Variants in GNAS observed in about 807,000 individuals in gnomAD.
The protein encoded by GNAS is protein ALEX.
A neutral mutation model predicts 54.5 loss-of-function variants in GNAS; 8 were observed. The observed-to-expected ratio is 0.15, with a 90% CI of 0.09 to 0.26. The LOEUF is 0.26. GNAS is among the 10% of genes least tolerant of loss of function. GNAS has a pLI of 1.00. For missense variants in GNAS, 170 were observed against 529.8 expected, an observed-to-expected ratio of 0.32 and a Z score of 6.67; for synonymous variants, 204 against 191.4, an observed-to-expected ratio of 1.07 and a Z score of -0.54.
rs887500903 is a variant in GNAS at position 58,901,064 on chromosome 20, A to G, written c.257+2079A>G. 1.7e-4 allele frequency among the ~76,000 whole-genome samples: 26 copies of G among 152,364 alleles called. No homozygotes were observed. In the South Asian group the frequency reaches 2.5e-3, roughly 15 times the overall value. On this transcript the variant is annotated intron_variant, in intron 3 of 12. Coordinates refer to ENST00000371085, the MANE Select transcript of GNAS (RefSeq NM_000516.7). Reference sequence around the variant, plus strand: ...GGAAATACTTTCTCTTGCTGTATGCAGATTTGGATATTTAGTACCCGAATG... The same window carrying G: ...GGAAATACTTTCTCTTGCTGTATGCGGATTTGGATATTTAGTACCCGAATG...
intron 6 of GNAS, among the ~76,000 whole-genome samples, chr20:58,908,600 T>C (rs234630): frequency 0.23 from 34,744 of 151,972 alleles, 4,765 homozygotes; most frequent in Non-Finnish European, 0.3. Context: ...CTGAATGATA[T>C]AGAGGTATAC....
intron 1 of GNAS, chr20:58,850,966 T>A (rs112636300): frequency 0.09 from 35,883 of 398,596 alleles, 1,885 homozygotes; most frequent in Middle Eastern, 0.12. Context: ...CCAGGCAGCC[T>A]TGATTGGCAT....
chr20:58,905,615 G>GA lies in GNAS; in HGVS notation c.530+138dup, dbSNP rs554445295. ...AAGCCAACCAGTTACCCCACTGGCAGAAAGTTCTAATCTGATTCAATTGTT... is the reference window on the plus strand; with the variant it reads ...AAGCCAACCAGTTACCCCACTGGCAGAAAAGTTCTAATCTGATTCAATTGTT... On this transcript the variant is annotated intron_variant, in intron 6 of 12. Coordinates refer to ENST00000371085, the MANE Select transcript of GNAS (RefSeq NM_000516.7). 196 of 708,772 alleles carry GA rather than the reference G, an allele frequency of 2.8e-4. No individual in the cohort carries two copies. In the African/African-American group the frequency reaches 3.0e-3, roughly 11 times the overall value. 43.9% of individuals were successfully genotyped at this position (708,772 alleles called of 1,614,324 possible).
At chr20:58,887,997 T>G (rs1452245358), upstream of GNAS, among the ~76,000 whole-genome samples, 4 of 152,210 alleles carry the variant, frequency 2.6e-5, no homozygotes, top group Non-Finnish European at 5.9e-5. Flanking sequence ...CTTTTTATTT[T>G]CAAAGCTAAC....
At chr20:58,894,940 CCCAG>C (rs2089901902) in intron 1 of GNAS, among the ~76,000 whole-genome samples, 1 of 152,038 alleles carries the variant, frequency 6.6e-6, no homozygotes, top group East Asian at 1.9e-4. Flanking sequence ...CATAGTTGTA[CCCAG>C]AGGGAATTTA....
intron 1 of GNAS, among the ~76,000 whole-genome samples, chr20:58,880,891 C>T (rs1465678739): frequency 6.6e-6 from 1 of 152,122 alleles, no homozygotes; most frequent in Non-Finnish European, 1.5e-5. Flanking sequence ...CTCTTCTCTG[C>T]CTCCCCACCC....
chr20:58,900,304 T>C, intron 3 of GNAS: 1 of 359,604 alleles, frequency 2.8e-6, no homozygotes, highest in Non-Finnish European at 5.1e-6. Flanking sequence ...GCTAAACCCT[T>C]GAACCCTACT....
chr20:58,899,278 C>G (rs1401408595), intron 3 of GNAS, among the ~76,000 whole-genome samples: 2 of 152,198 alleles, frequency 1.3e-5, no homozygotes, highest in Non-Finnish European at 2.9e-5. Context: ...TGATGTTTTT[C>G]CATATGGTTT....
intron 1 of GNAS, among the ~76,000 whole-genome samples, chr20:58,893,451 A>G (rs946079354): frequency 3.3e-5 from 5 of 152,210 alleles, no homozygotes; most frequent in African/African-American, 7.2e-5. Flanking sequence ...GTTAAGACCT[A>G]GTTCGTGGTC....
At chr20:58,896,971 G>T (rs1601043018) in intron 2 of GNAS, among the ~76,000 whole-genome samples, 2 of 152,270 alleles carry the variant, frequency 1.3e-5, no homozygotes, top group South Asian at 4.1e-4. Flanking sequence ...TTCAGAGCAA[G>T]GCAGGCAGCT....
intron 3 of GNAS, chr20:58,899,403 ATT>A: frequency 1.9e-6 from 1 of 519,292 alleles, no homozygotes; most frequent in South Asian, 1.5e-5. Flanking sequence ...TTGAAACAAA[ATT>A]TGTTTCCTTT....
intron 1 of GNAS, among the ~76,000 whole-genome samples, chr20:58,860,491 G>T (rs1055135922): frequency 6.6e-6 from 1 of 152,060 alleles, no homozygotes; most frequent in Non-Finnish European, 1.5e-5. Flanking sequence ...AGAATGTTTA[G>T]AATCCTGGTC....
At position 58,853,301 on chromosome 20, in the gene GNAS, G is replaced by T. The variant is rs1168829141; in HGVS notation, c.43+12415G>T. The T allele has an allele frequency of 6.5e-7, 1 of 1,550,290 alleles. No homozygotes were observed. Among genetic ancestry groups the T allele is most frequent in the East Asian group, 2.4e-5 (1 of 40,906 alleles). ...GCAACTGCCTCTACGGCAATAATAT[G>T]TCAGGACAACGCGATATCCCCCCTG... On this transcript the variant is annotated intron_variant, in intron 1 of 12. Transcript: ENST00000306090. This position sits in a 1 kb window ranked among gnomAD's most constrained non-coding sequence, Gnocchi z 4.4.
rs540760456 is a variant in GNAS, at chr20:58,871,050, C to T, written c.44-24562C>T. Among the ~76,000 whole-genome samples the T allele has an allele frequency of 1.1e-4, 16 of 152,324 alleles. No homozygotes were observed. The South Asian group carries it at 2.3e-3, about 22-fold the overall frequency. The stretch of plus-strand genomic sequence containing the variant: ...CCCCCTGCTCCACAAACACACACTA[C>T]AGGACAGTTTCCTTAGAGCTCTTCC... On this transcript the variant is annotated intron_variant, in intron 1 of 12. Transcript: ENST00000306090.
intron 1 of GNAS, chr20:58,892,135 C>A: frequency 3.2e-6 from 3 of 944,810 alleles, no homozygotes; most frequent in Non-Finnish European, 3.8e-6. Context: ...CTCTCTCTTG[C>A]TCTCGCTCTC....
chr20:58,909,859 CT>C lies in GNAS; in HGVS notation c.839+56del. On this transcript the variant is annotated intron_variant, in intron 10 of 12. Coordinates refer to ENST00000371085, the MANE Select transcript of GNAS (RefSeq NM_000516.7). This position sits in a 1 kb window ranked among gnomAD's most constrained non-coding sequence, Gnocchi z 7.3. Reference sequence around the variant, plus strand: ...CTTGCCCAGGAGGCCCTGGTCTGCACTGTTTATAGAGAAGAACCCCGTGCAA... The same window carrying C: ...CTTGCCCAGGAGGCCCTGGTCTGCACGTTTATAGAGAAGAACCCCGTGCAA... 1 of 1,612,714 alleles carries C rather than the reference CT, an allele frequency of 6.2e-7. No individual in the cohort carries two copies. Among genetic ancestry groups the C allele is most frequent in the Non-Finnish European group, 8.5e-7 (1 of 1,179,624 alleles).
At position 58,896,911 on chromosome 20, in the gene GNAS, C is replaced by A. The variant is rs150247363; in HGVS notation, c.212+1227C>A. 1.9e-3 allele frequency among the ~76,000 whole-genome samples: 294 copies of A among 152,206 alleles called. 4 individuals are homozygous for A. Among genetic ancestry groups the A allele is most frequent in the African/African-American group, 6.7e-3 (277 of 41,532 alleles). The stretch of plus-strand genomic sequence containing the variant: ...AAAACAAACAAAACAAACAAAAAAA[C>A]CTTTACTAGTCACTAAGCATCCAGG... On this transcript the variant is annotated intron_variant, in intron 2 of 12. Transcript: ENST00000371085.
chr20:58,845,744 C>A (rs184582070), intron 1 of GNAS, among the ~76,000 whole-genome samples: 1 of 152,276 alleles, frequency 6.6e-6, no homozygotes, highest in East Asian at 1.9e-4. Flanking sequence ...GCACTAGTGG[C>A]CATTAATTCA....
intron 1 of GNAS, among the ~76,000 whole-genome samples, chr20:58,848,210 T>C (rs1197071435): frequency 2.6e-5 from 4 of 152,214 alleles, no homozygotes; most frequent in Non-Finnish European, 5.9e-5. Context: ...TAGCCAAGTA[T>C]ACACAATTTT....
Sources: allele counts gnomAD v4.1 joint callset (sites outside exome capture counted in the v4.1 genomes callset), GRCh38; gene constraint gnomAD v4.1.1; non-coding constraint Gnocchi (gnomAD v3.1); transcripts MANE v1.5; gene names NCBI Gene and HGNC (gene_info 2026-07-23, HGNC 2026-07-21).